GNA15: variants seen among roughly 807,000 people sequenced by gnomAD.
GNA15 encodes the protein G protein subunit alpha 15, also known as guanine nucleotide-binding protein subunit alpha-15.
A neutral mutation model predicts 40.1 loss-of-function variants in GNA15; 23 were observed. The observed-to-expected ratio is 0.57, with a 90% CI of 0.41 to 0.81. The LOEUF (loss-of-function observed/expected upper bound fraction) is 0.81, where lower values mean the gene tolerates loss of function less well. GNA15 is among the 40% of genes least tolerant of loss of function. GNA15 has a pLI of 0.00. For missense variants in GNA15, 522 were observed against 515.8 expected (o/e 1.01, Z -0.12); for synonymous variants, 226 against 210.4 (o/e 1.07, Z -0.64).
chr19:3,139,693 G>T (rs1914531950), intron 1 of GNA15, among the ~76,000 whole-genome samples: 1 of 151,676 alleles, frequency 6.6e-6, no homozygotes, highest in Non-Finnish European at 1.5e-5. Flanking sequence ...AGGTCAGGAG[G>T]TTGAGAACAT....
intron 6 of GNA15, among the ~76,000 whole-genome samples, chr19:3,160,829 T>C (rs1915124030): frequency 6.6e-6 from 1 of 152,144 alleles, no homozygotes; most frequent in Non-Finnish European, 1.5e-5. Context: ...CTGCAATCTC[T>C]GCCTCCATGT....
At chr19:3,158,744 C>T (rs1368413264) in intron 6 of GNA15, among the ~76,000 whole-genome samples, 1 of 152,100 alleles carries the variant, frequency 6.6e-6, no homozygotes, top group East Asian at 1.9e-4. Context: ...GCCTTAGCCT[C>T]CCAAGTAGCT....
chr19:3,151,987 A>G lies in GNA15; in HGVS notation c.614+152A>G, dbSNP rs549322182. ...AGGGGAAGCAAAGCTCCATGTAGAC[A>G]CCTCCAGGCCCCCAGGTAGTCAGGA... On this transcript the variant is annotated intron_variant, in intron 4 of 6. Transcript: ENST00000262958. The surrounding 1 kb of genome is among the most constrained non-coding windows in gnomAD (Gnocchi z 5.0). 2.3e-5 allele frequency: 13 copies of G among 560,140 alleles called. No homozygotes were observed. In the African/African-American group the frequency reaches 2.5e-4, roughly 11 times the overall value. 34.7% of individuals were successfully genotyped at this position (560,140 alleles called of 1,614,324 possible).
At chr19:3,156,234 T>C (rs1231500723) in intron 5 of GNA15, among the ~76,000 whole-genome samples, 1 of 36,572 alleles carries the variant, frequency 2.7e-5, no homozygotes, top group Non-Finnish European at 5.2e-5. Context: ...ACACAATGCA[T>C]GCACACAAAC....
In GNA15 at chr19:3,136,708, C is replaced by A; in HGVS notation, c.145+113C>A. 1 of 919,906 alleles carries A rather than the reference C, an allele frequency of 1.1e-6. No individual in the cohort carries two copies. The highest frequency in any genetic ancestry group is 1.6e-6 in the Non-Finnish European group (1 of 616,252). The allele number at this position is 919,906 out of a possible 1,614,324, so 57.0% of individuals were successfully genotyped here. A position where few individuals can be genotyped will look rare whatever the true frequency, so the allele number is the denominator to read the frequency against. On this transcript the variant is annotated intron_variant, in intron 1 of 6. Transcript: ENST00000262958. This position sits in a 1 kb window ranked among gnomAD's most constrained non-coding sequence, Gnocchi z 4.9. ...TAGGTCAGACATTGGCATCGTGGAG[C>A]CGTCGCCTCCTCCCAGGGAATGGGG...
chr19:3,144,581 T>A (rs1914653701), intron 1 of GNA15, among the ~76,000 whole-genome samples: 3 of 152,152 alleles, frequency 2.0e-5, no homozygotes, highest in South Asian at 4.1e-4. Context: ...CAGGCTGGAG[T>A]GCAGTGGCAT....
chr19:3,140,127 G>A (rs758655939), intron 1 of GNA15, among the ~76,000 whole-genome samples: 42 of 149,434 alleles, frequency 2.8e-4, no homozygotes, highest in Admixed American at 2.3e-3. Flanking sequence ...ACATTATGAC[G>A]TATCATATCG....
In GNA15 at chr19:3,145,359, A is replaced by ATATATATATTTTT; in HGVS notation, c.146-3231_146-3230insATATATATTTTTT. 9.4e-4 allele frequency among the ~76,000 whole-genome samples: 44 copies of ATATATATATTTTT among 46,964 alleles called. 1 individual carries two copies. The highest frequency in any genetic ancestry group is 1.2e-3 in the African/African-American group (13 of 10,916). 30.8% of individuals were successfully genotyped at this position (46,964 alleles called of 152,430 possible). A position where few individuals can be genotyped will look rare whatever the true frequency, so the allele number is the denominator to read the frequency against. ...TAAATATATATATATATATATATAT[A>ATATATATATTTTT]TTTTTTTTTTTTTGTAGAGATGGGG... is the stretch of plus-strand genomic sequence containing the variant. On this transcript the variant is annotated intron_variant, in intron 1 of 6. Transcript: ENST00000262958.
intron 2 of GNA15, 72 bp from the exon 3 acceptor site, chr19:3,150,059 T>G (rs553092072): frequency 6.2e-4 from 842 of 1,364,416 alleles, no homozygotes; most frequent in Non-Finnish European, 8.2e-4. Flanking sequence ...ACGTGGGGGC[T>G]TGCAGAGATG....
At chr19:3,145,431 G>A (rs34304565) in intron 1 of GNA15, among the ~76,000 whole-genome samples, 16,478 of 129,332 alleles carry the variant, frequency 0.13, 1,150 homozygotes, top group Non-Finnish European at 0.15. Context: ...GGCCCAAGCC[G>A]CCCCCCTCCC....
chr19:3,149,309 AC>A (rs1237942890), intron 2 of GNA15: 2 of 161,198 alleles, frequency 1.2e-5, no homozygotes, highest in African/African-American at 4.8e-5. Flanking sequence ...ACAAACACAC[AC>A]AAGCATGCAT....
intron 4 of GNA15, among the ~76,000 whole-genome samples, chr19:3,153,474 A>G: frequency 6.6e-6 from 1 of 150,942 alleles, no homozygotes; most frequent in Non-Finnish European, 1.5e-5. Flanking sequence ...GAGTGGATGG[A>G]TGGATGGATG....
At chr19:3,159,210 G>T (rs536812063) in intron 6 of GNA15, among the ~76,000 whole-genome samples, 1 of 150,936 alleles carries the variant, frequency 6.6e-6, no homozygotes, top group African/African-American at 2.4e-5. Context: ...ATTTTTGGTC[G>T]AGATGGGGTT....
Position 3,162,388 on chromosome 19 carries a change from G to GAAAAA in GNA15, c.899-398_899-394dup, listed in dbSNP as rs34612768. The stretch of plus-strand genomic sequence containing the variant: ...GCGACAGAGCGAGGCCCCATCTCAA[G>GAAAAA]AAAAAAAAAAAGAGGACTCTCTTCC... On this transcript the variant is annotated intron_variant, in intron 6 of 6. Transcript: ENST00000262958. 3.8e-4 allele frequency among the ~76,000 whole-genome samples: 57 copies of GAAAAA among 148,284 alleles called. 1 individual carries two copies. Among genetic ancestry groups the GAAAAA allele is most frequent in the African/African-American group, 5.4e-4 (22 of 40,418 alleles).
chr19:3,145,359 A>ATATATATACTTT, intron 1 of GNA15, among the ~76,000 whole-genome samples: 1 of 46,972 alleles, frequency 2.1e-5, no homozygotes, highest in African/African-American at 9.2e-5. Context: ...ATATATATAT[A>ATATATATACTTT]TTTTTTTTTT....
intron 1 of GNA15, among the ~76,000 whole-genome samples, chr19:3,140,057 A>ATCTATCTG (rs1182230775): frequency 6.6e-6 from 1 of 150,604 alleles, no homozygotes. Flanking sequence ...CTATCTATCT[A>ATCTATCTG]TCTATCTATC....
chr19:3,157,975 CG>C, intron 6 of GNA15, 94 bp downstream of exon 6: 2 of 1,015,216 alleles, frequency 2.0e-6, no homozygotes, highest in Non-Finnish European at 3.1e-6. Flanking sequence ...CTGGAGTCAC[CG>C]GAACTTTCAC....
rs1482214842 is a variant in GNA15, at chr19:3,156,059, T to G, written c.744+107T>G. On this transcript the variant is annotated intron_variant, in intron 5 of 6. Transcript: ENST00000262958. ...AGGGATCCCTGCTCTTGAACGGGCCTGTGTGTGCCCAGCATGGCTATGAAC... is the reference window on the plus strand; with the variant it reads ...AGGGATCCCTGCTCTTGAACGGGCCGGTGTGTGCCCAGCATGGCTATGAAC... 3 of 1,063,126 alleles carry G rather than the reference T, an allele frequency of 2.8e-6. No individual in the cohort carries two copies. In the East Asian group the frequency reaches 7.5e-5, roughly 26 times the overall value. 65.9% of individuals were successfully genotyped at this position (1,063,126 alleles called of 1,614,324 possible).
intron 1 of GNA15, among the ~76,000 whole-genome samples, chr19:3,148,237 A>T (rs943965473): frequency 6.6e-6 from 1 of 151,940 alleles, no homozygotes; most frequent in Non-Finnish European, 1.5e-5. Context: ...TACAGGCGTG[A>T]GCCACCACAC....
Sources: gnomAD v4.1 joint callset for allele counts (sites outside exome capture counted in the v4.1 genomes callset) on GRCh38, gnomAD v4.1.1 for gene constraint, Gnocchi (gnomAD v3.1) non-coding constraint, MANE v1.5 for transcripts, NCBI Gene and HGNC (gene_info 2026-07-23, HGNC 2026-07-21) for gene names.